The following ASCC3 variants were observed in gnomAD, a reference collection of about 807,000 sequenced individuals.
The protein encoded by ASCC3 is activating signal cointegrator 1 complex subunit 3, also known as ASC-1 complex subunit P200.
Under a neutral mutation model 256.3 loss-of-function variants are expected in ASCC3, and 158 were observed. The ratio of observed to expected loss-of-function variants is 0.62; its 90% CI spans 0.54 to 0.70. ASCC3 has a LOEUF of 0.70. Ranked by LOEUF, ASCC3 falls within the 30% of genes least tolerant of loss-of-function variation. The pLI, the probability that ASCC3 is intolerant of heterozygous loss-of-function variation, is 0.00. For synonymous variants in ASCC3, 948 were observed against 883.4 expected (o/e 1.07, Z -1.30); for missense variants, 2,259 against 2,626.0 (o/e 0.86, Z 3.05).
chr6:100,825,244 T>G (rs896591582), intron 4 of ASCC3, among the ~76,000 whole-genome samples: 1 of 151,916 alleles, frequency 6.6e-6, no homozygotes, highest in African/African-American at 2.4e-5. Flanking sequence ...TTAGTAAACT[T>G]TCTTAAAACA....
chr6:100,732,568 C>T (rs1241033133), intron 10 of ASCC3, among the ~76,000 whole-genome samples: 1 of 152,182 alleles, frequency 6.6e-6, no homozygotes, highest in Non-Finnish European at 1.5e-5. Context: ...ATGGGTACAT[C>T]TATAAACTTA....
In ASCC3 at chr6:100,508,583, G is replaced by A. The variant is rs892092296; in HGVS notation, c.*803C>T. ...ATATGATCTGTAAGTGCTACAACAT[G>A]AATTAGATTATACTTCTCTACTTCT... On this transcript the variant is annotated 3_prime_UTR_variant, in exon 42 of 42. Transcript: ENST00000369162. 3 of 152,074 alleles carry A rather than the reference G, an allele frequency of 2.0e-5. No individual in the cohort carries two copies. Among genetic ancestry groups the A allele is most frequent in the African/African-American group, 7.2e-5 (3 of 41,406 alleles). 9.4% of individuals were successfully genotyped at this position (152,074 alleles called of 1,614,324 possible). A position where few individuals can be genotyped will look rare whatever the true frequency, so the allele number is the denominator to read the frequency against.
intron 3 of ASCC3, among the ~76,000 whole-genome samples, chr6:100,850,709 T>C: frequency 6.6e-6 from 1 of 152,222 alleles, no homozygotes; most frequent in Non-Finnish European, 1.5e-5. Context: ...ACTGTTATAA[T>C]TTACACAATT....
At chr6:100,578,143 A>G (rs956510157) in intron 36 of ASCC3, among the ~76,000 whole-genome samples, 4 of 152,068 alleles carry the variant, frequency 2.6e-5, no homozygotes, top group Non-Finnish European at 4.4e-5. Context: ...GCTGACCCCA[A>G]TCATTCCACA....
chr6:100,535,323 T>C (rs955440457), intron 37 of ASCC3, among the ~76,000 whole-genome samples: 1 of 152,178 alleles, frequency 6.6e-6, no homozygotes. Context: ...GGCACAGAAT[T>C]AGAACTGCCA....
chr6:100,749,180 G>A (rs1780826070), intron 10 of ASCC3, among the ~76,000 whole-genome samples: 1 of 151,966 alleles, frequency 6.6e-6, no homozygotes, highest in East Asian at 1.9e-4. Flanking sequence ...TTTGCTGTAG[G>A]TGAGTGAACG....
intron 36 of ASCC3, among the ~76,000 whole-genome samples, chr6:100,583,464 T>A (rs1274830714): frequency 2.6e-5 from 4 of 152,284 alleles, no homozygotes; most frequent in East Asian, 1.9e-4. Context: ...TGCATCTATT[T>A]GATTCTTCTC....
intron 4 of ASCC3, among the ~76,000 whole-genome samples, chr6:100,828,801 G>A (rs897189459): frequency 2.6e-5 from 4 of 152,060 alleles, no homozygotes; most frequent in Non-Finnish European, 5.9e-5. Context: ...AGGATTTATT[G>A]CAAAGAGCGA....
intron 10 of ASCC3, among the ~76,000 whole-genome samples, chr6:100,727,274 G>T (rs1206426323): frequency 6.6e-6 from 1 of 151,722 alleles, no homozygotes; most frequent in African/African-American, 2.4e-5. Flanking sequence ...ACTACAACAA[G>T]CCCTATATCA....
chr6:100,784,202 A>G (rs1292149892), intron 8 of ASCC3, among the ~76,000 whole-genome samples: 2 of 152,162 alleles, frequency 1.3e-5, no homozygotes. Flanking sequence ...AATACAGTCA[A>G]TGAAAATACT....
At chr6:100,846,865 T>G (rs929201024) in intron 4 of ASCC3, among the ~76,000 whole-genome samples, 17 of 151,894 alleles carry the variant, frequency 1.1e-4, no homozygotes, top group Admixed American at 3.3e-4. Flanking sequence ...CTATGATATT[T>G]CAGTACAGTT....
chr6:100,580,796 T>C (rs954550605), intron 36 of ASCC3, among the ~76,000 whole-genome samples: 30 of 141,268 alleles, frequency 2.1e-4, no homozygotes, highest in Admixed American at 1.3e-3. Context: ...TGTGTTCTCA[T>C]TGTTCAATTC....
intron 37 of ASCC3, among the ~76,000 whole-genome samples, chr6:100,539,197 C>T (rs903261344): frequency 1.3e-5 from 2 of 152,270 alleles, no homozygotes; most frequent in Non-Finnish European, 2.9e-5. Context: ...CACTACAGCA[C>T]TTAAGGTATA....
In ASCC3 at chr6:100,540,367, A is replaced by G; in HGVS notation, c.5571T>C (p.Asp1857=). The change falls in exon 37 of 42, where the codon GAT becomes GAC. Residue 1857 remains aspartate, a synonymous_variant. Transcript: ENST00000369162. ...GATCTTCATTGTGTCTCACTGGCAA[A>G]TCTGTATATTCTTCTGCATCCTGAA... is the stretch of plus-strand genomic sequence containing the variant. ...SILSDAEEYT[D]LPVRHNEDHM... is the part of the protein sequence containing the mutation. 1 of 1,612,950 alleles carries G rather than the reference A, an allele frequency of 6.2e-7. No individual in the cohort carries two copies. The highest frequency in any genetic ancestry group is 8.5e-7 in the Non-Finnish European group (1 of 1,179,392).
chr6:100,714,519 C>A (rs1165365405), intron 13 of ASCC3, among the ~76,000 whole-genome samples: 1 of 152,018 alleles, frequency 6.6e-6, no homozygotes, highest in Non-Finnish European at 1.5e-5. Context: ...CTCCATTTTC[C>A]TCATCTGTCA....
intron 36 of ASCC3, among the ~76,000 whole-genome samples, chr6:100,546,602 T>G (rs1775728356): frequency 6.6e-6 from 1 of 152,112 alleles, no homozygotes; most frequent in Admixed American, 6.5e-5. Context: ...ATGATAGAAA[T>G]GCAACCAACA....
chr6:100,644,157 A>T, intron 22 of ASCC3, 28 bp from the exon 23 acceptor site: 1 of 1,446,296 alleles, frequency 6.9e-7, no homozygotes, highest in Non-Finnish European at 9.7e-7. Flanking sequence ...TCCTGCTACT[A>T]TGCATATCAT....
chr6:100,734,444 G>A (rs796067084), intron 10 of ASCC3, among the ~76,000 whole-genome samples: 21 of 152,186 alleles, frequency 1.4e-4, no homozygotes, highest in African/African-American at 5.1e-4. Context: ...ACATCAGACT[G>A]AGTAGTCTGA....
chr6:100,606,992 G>A lies in ASCC3; in HGVS notation c.4882C>T (p.Arg1628Ter), dbSNP rs1772924404. 12 of 1,613,206 alleles carry A rather than the reference G, an allele frequency of 7.4e-6. No homozygotes were observed. Among genetic ancestry groups the A allele is most frequent in the Middle Eastern group, 1.6e-4 (1 of 6,082 alleles). Residue 1628 changes from arginine to a stop codon, truncating the protein, a stop_gained, in exon 31 of 42, where the codon CGA (arginine) becomes TGA (stop). Transcript: ENST00000369162. LOFTEE classifies it high-confidence loss of function. ...MHHAGLHERD[R>*]KTVEELFVNC... is the part of the protein sequence containing the mutation. ...ACAAATAGTTCCTCTACTGTTTTTCGGTCCCTCTCATGTAGTCCAGCATGA... is the reference window on the plus strand; with the variant it reads ...ACAAATAGTTCCTCTACTGTTTTTCAGTCCCTCTCATGTAGTCCAGCATGA...
Sources: gnomAD v4.1 joint callset for allele counts (sites outside exome capture counted in the v4.1 genomes callset) on GRCh38, gnomAD v4.1.1 for gene constraint, MANE v1.5 for transcripts, NCBI Gene and HGNC (gene_info 2026-07-23, HGNC 2026-07-21) for gene names.